ENOX1: variants seen among roughly 807,000 people sequenced by gnomAD.
ENOX1 encodes candidate growth-related and time keeping constitutive hydroquinone (NADH) oxidase.
Under a neutral mutation model 82.5 loss-of-function variants are expected in ENOX1, and 42 were observed. The ratio of observed to expected loss-of-function variants is 0.51; its 90% CI spans 0.40 to 0.66. The LOEUF (loss-of-function observed/expected upper bound fraction) is 0.66, where lower values mean the gene tolerates loss of function less well. ENOX1 is among the 30% of genes least tolerant of loss of function. The pLI is 0.00. For missense variants in ENOX1, 608 were observed against 811.6 expected, an observed-to-expected ratio of 0.75 and a Z score of 3.05; for synonymous variants, 271 against 282.2, an observed-to-expected ratio of 0.96 and a Z score of 0.40.
chr13:43,447,998 T>G (rs1270051275), intron 3 of ENOX1, among the ~76,000 whole-genome samples: 1 of 152,222 alleles, frequency 6.6e-6, no homozygotes, highest in Non-Finnish European at 1.5e-5. Flanking sequence ...TCTTCAGAGA[T>G]AAATTTCCAC....
intron 15 of ENOX1, among the ~76,000 whole-genome samples, chr13:43,228,021 T>C (rs2042104754): frequency 6.6e-6 from 1 of 151,820 alleles, no homozygotes; most frequent in Non-Finnish European, 1.5e-5. Flanking sequence ...AGAAAATGTT[T>C]CTAGGCCCTG....
At chr13:43,465,486 G>A (rs914372893) in intron 3 of ENOX1, among the ~76,000 whole-genome samples, 1 of 151,832 alleles carries the variant, frequency 6.6e-6, no homozygotes, top group African/African-American at 2.4e-5. Flanking sequence ...CCAAGATCTT[G>A]TATTTTTACT....
At chr13:43,321,375 C>T (rs1195166480) in intron 11 of ENOX1, among the ~76,000 whole-genome samples, 2 of 152,136 alleles carry the variant, frequency 1.3e-5, no homozygotes, top group African/African-American at 4.8e-5. Flanking sequence ...AAATTAGAGC[C>T]CTTTCTCTAT....
intron 8 of ENOX1, among the ~76,000 whole-genome samples, chr13:43,352,813 G>A (rs1323077377): frequency 3.3e-5 from 5 of 152,194 alleles, no homozygotes; most frequent in African/African-American, 1.2e-4. Flanking sequence ...CCTGGTCCCA[G>A]AAGATCCTCC....
At chr13:43,522,346 T>C (rs2077807054) in intron 2 of ENOX1, among the ~76,000 whole-genome samples, 1 of 152,160 alleles carries the variant, frequency 6.6e-6, no homozygotes, top group Non-Finnish European at 1.5e-5. Context: ...AGTCATTTTA[T>C]ACAAATATAG....
chr13:43,535,304 G>A (rs2078410012), intron 2 of ENOX1, among the ~76,000 whole-genome samples: 1 of 152,108 alleles, frequency 6.6e-6, no homozygotes, highest in Non-Finnish European at 1.5e-5. Context: ...TAAAGACTTA[G>A]AACCTATCAC....
intron 1 of ENOX1, among the ~76,000 whole-genome samples, chr13:43,725,888 GC>G (rs1278571559): frequency 6.6e-6 from 1 of 151,542 alleles, no homozygotes; most frequent in Non-Finnish European, 1.5e-5. Flanking sequence ...GGTTGCTTGA[GC>G]CCAGGAGGTG....
At chr13:43,463,354 G>A (rs912121341) in intron 3 of ENOX1, among the ~76,000 whole-genome samples, 6 of 152,070 alleles carry the variant, frequency 3.9e-5, no homozygotes, top group Non-Finnish European at 7.3e-5. Context: ...CATTCTTTGC[G>A]CTTTGCACAT....
chr13:43,314,030 T>C (rs1424921167), intron 11 of ENOX1, among the ~76,000 whole-genome samples: 3 of 152,216 alleles, frequency 2.0e-5, no homozygotes, highest in Non-Finnish European at 2.9e-5. Context: ...CTACAATTAA[T>C]AGACTCTGTC....
chr13:43,504,964 C>G (rs1270771885), intron 2 of ENOX1, among the ~76,000 whole-genome samples: 2 of 151,648 alleles, frequency 1.3e-5, no homozygotes, highest in Non-Finnish European at 3.0e-5. Context: ...TTATTCTTAC[C>G]TCAAAGTGAT....
intron 2 of ENOX1, among the ~76,000 whole-genome samples, chr13:43,539,915 T>C (rs1020272139): frequency 6.6e-6 from 1 of 152,162 alleles, no homozygotes; most frequent in Admixed American, 6.5e-5. Flanking sequence ...TCTTTGTATC[T>C]AGTAATTTTT....
chr13:43,568,517 T>G (rs1246769033), intron 2 of ENOX1, among the ~76,000 whole-genome samples: 1 of 152,132 alleles, frequency 6.6e-6, no homozygotes, highest in African/African-American at 2.4e-5. Context: ...AAGAAACATT[T>G]TGATAAACTG....
At chr13:43,763,640 A>C (rs1271771523) in intron 1 of ENOX1, among the ~76,000 whole-genome samples, 1 of 152,134 alleles carries the variant, frequency 6.6e-6, no homozygotes, top group Admixed American at 6.5e-5. Context: ...TCACTTCCCA[A>C]AATACCAGAA....
At chr13:43,509,006 C>T (rs2077273648) in intron 2 of ENOX1, among the ~76,000 whole-genome samples, 1 of 151,766 alleles carries the variant, frequency 6.6e-6, no homozygotes, top group Admixed American at 6.6e-5. Context: ...TAGACTAATG[C>T]TTCATCATAA....
At chr13:43,578,949 A>C (rs915256961) in intron 2 of ENOX1, among the ~76,000 whole-genome samples, 1 of 152,142 alleles carries the variant, frequency 6.6e-6, no homozygotes, top group Non-Finnish European at 1.5e-5. Context: ...TATAGAGTTA[A>C]TTAAGCAAGT....
intron 14 of ENOX1, among the ~76,000 whole-genome samples, chr13:43,240,250 T>C (rs1304557570): frequency 6.6e-6 from 1 of 152,212 alleles, no homozygotes; most frequent in East Asian, 1.9e-4. Flanking sequence ...CAAGAAGTTC[T>C]AAGTTTTTAA....
Position 43,386,054 on chromosome 13 carries a change from T to A in ENOX1, c.209-24602A>T, listed in dbSNP as rs140180386. Reference sequence around the variant, plus strand: ...GGGAGCCGGTGCCTGTAATCCCAGCTACTCTGGAGCCTGAGGCAGGAGAAT... The same window carrying A: ...GGGAGCCGGTGCCTGTAATCCCAGCAACTCTGGAGCCTGAGGCAGGAGAAT... On this transcript the variant is annotated intron_variant, in intron 5 of 16. Transcript: ENST00000690772. Among the ~76,000 whole-genome samples the A allele has an allele frequency of 2.5e-3, 388 of 152,234 alleles. 1 individual carries two copies. The highest frequency in any genetic ancestry group is 9.0e-3 in the African/African-American group (372 of 41,544).
intron 5 of ENOX1, among the ~76,000 whole-genome samples, chr13:43,365,437 G>T (rs763469439): frequency 3.9e-5 from 6 of 152,206 alleles, no homozygotes; most frequent in Non-Finnish European, 8.8e-5. Flanking sequence ...TGGGCTGAGG[G>T]TGTCCTGACA....
intron 3 of ENOX1, among the ~76,000 whole-genome samples, chr13:43,469,226 T>C (rs956787119): frequency 1.3e-5 from 2 of 152,194 alleles, no homozygotes; most frequent in African/African-American, 4.8e-5. Context: ...GATGATTGTA[T>C]GTTTTTCTTT....
Sources: gnomAD v4.1 joint callset for allele counts (sites outside exome capture counted in the v4.1 genomes callset) on GRCh38, gnomAD v4.1.1 for gene constraint, MANE v1.5 for transcripts, NCBI Gene and HGNC (gene_info 2026-07-23, HGNC 2026-07-21) for gene names.